IYD: variants seen among roughly 807,000 people sequenced by gnomAD.
IYD encodes iodotyrosine deiodinase 1.
Under a neutral mutation model 28.4 loss-of-function variants are expected in IYD, and 25 were observed. That is an observed-to-expected ratio of 0.88 (90% confidence interval 0.64 to 1.23). IYD has a LOEUF of 1.23. IYD is among the 50% of genes most tolerant of loss of function. The pLI, the probability that IYD is intolerant of heterozygous loss-of-function variation, is 0.00. For synonymous variants in IYD, 140 were observed against 130.8 expected (o/e 1.07, Z -0.48); for missense variants, 352 against 357.9 (o/e 0.98, Z 0.13).
intron 1 of IYD, among the ~76,000 whole-genome samples, chr6:150,380,671 T>C (rs1345373864): frequency 2.0e-5 from 3 of 152,214 alleles, no homozygotes; most frequent in African/African-American, 7.2e-5. Flanking sequence ...CTGAGGTTCA[T>C]GCCCAAGGGA....
intron 4 of IYD, among the ~76,000 whole-genome samples, chr6:150,394,833 T>C (rs1430569536): frequency 6.6e-6 from 1 of 152,176 alleles, no homozygotes; most frequent in Admixed American, 6.5e-5. Flanking sequence ...CTGAGCTCCT[T>C]TTTGTTTTGT....
At chr6:150,395,562 CCCAGGTGCCT>C in intron 4 of IYD, 1 of 1,537,014 alleles carries the variant, frequency 6.5e-7, no homozygotes. Context: ...CACAAGGCTG[CCCAGGTGCCT>C]CTGCAGCAGG....
At position 150,384,666 on chromosome 6, in the gene IYD, T is replaced by C. The variant is rs184667674; in HGVS notation, c.179-4686T>C. 68 of 152,338 alleles carry C rather than the reference T, an allele frequency of 4.5e-4. 1 individual carries two copies. The highest frequency in any genetic ancestry group is 1.6e-3 in the African/African-American group (66 of 41,588). The allele number at this position is 152,338 out of a possible 1,614,324, so 9.4% of individuals were successfully genotyped here. ...TTGAAATCTTTGTAGTTCAGAAGTA[T>C]GTCTTTTCATGAGCTTAAGTGAAAT... is the stretch of plus-strand genomic sequence containing the variant. On this transcript the variant is annotated intron_variant, in intron 1 of 4. Coordinates refer to ENST00000344419, the MANE Select transcript of IYD (RefSeq NM_203395.3).
At chr6:150,369,367 T>C (rs568961574) in intron 1 of IYD, among the ~76,000 whole-genome samples, 158 bp downstream of exon 1, 1 of 151,856 alleles carries the variant, frequency 6.6e-6, no homozygotes, top group East Asian at 1.9e-4. Flanking sequence ...CACAGACAGG[T>C]CATCTCTCTC....
At chr6:150,390,511 C>T (rs1449622573) in intron 2 of IYD, among the ~76,000 whole-genome samples, 1 of 152,094 alleles carries the variant, frequency 6.6e-6, no homozygotes, top group Admixed American at 6.5e-5. Context: ...AAATTTGGGC[C>T]TCATGTTTAG....
intron 1 of IYD, among the ~76,000 whole-genome samples, chr6:150,388,651 CTT>C (rs1197936141): frequency 1.8e-5 from 1 of 54,914 alleles, no homozygotes; most frequent in African/African-American, 4.1e-5. Flanking sequence ...TTCTTTCTTT[CTT>C]TCTTTCTTTC....
chr6:150,385,853 T>C (rs775822380), intron 1 of IYD, among the ~76,000 whole-genome samples: 1 of 151,950 alleles, frequency 6.6e-6, no homozygotes, highest in Non-Finnish European at 1.5e-5. Flanking sequence ...AAGTTAGTTT[T>C]AGCAGGTTAT....
At chr6:150,386,958 A>G (rs1562316564) in intron 1 of IYD, among the ~76,000 whole-genome samples, 1 of 152,186 alleles carries the variant, frequency 6.6e-6, no homozygotes, top group Non-Finnish European at 1.5e-5. Flanking sequence ...TATTCTTGCC[A>G]TGGTTAAAAA....
intron 2 of IYD, 90 bp from the exon 3 acceptor site, chr6:150,392,255 G>A: frequency 6.2e-7 from 1 of 1,601,462 alleles, no homozygotes; most frequent in Non-Finnish European, 8.5e-7. Context: ...CTCCCAAAGT[G>A]CTTGGACTAC....
At chr6:150,391,434 A>G (rs903435185) in intron 2 of IYD, among the ~76,000 whole-genome samples, 7 of 152,200 alleles carry the variant, frequency 4.6e-5, no homozygotes, top group African/African-American at 1.7e-4. Context: ...TTTCAAGATT[A>G]CTAAAACAAA....
rs1219473066 is a variant in IYD at position 150,400,392 on chromosome 6, T to A, written c.*2155T>A. On this transcript the variant is annotated 3_prime_UTR_variant, in exon 5 of 5. Transcript: ENST00000344419. ...ACATCTGGCCATCACCTTAACCAAG[T>A]GACAAAGTCCTAGCACACCATTAAT... 1 of 152,212 alleles carries A rather than the reference T, an allele frequency of 6.6e-6. No individual in the cohort carries two copies. Among genetic ancestry groups the A allele is most frequent in the Non-Finnish European group, 1.5e-5 (1 of 68,052 alleles). The allele number at this position is 152,212 out of a possible 1,614,324, so 9.4% of individuals were successfully genotyped here. A position where few individuals can be genotyped will look rare whatever the true frequency, so the allele number is the denominator to read the frequency against.
At chr6:150,380,940 G>T (rs923979867) in intron 1 of IYD, among the ~76,000 whole-genome samples, 55 of 152,110 alleles carry the variant, frequency 3.6e-4, no homozygotes, top group Admixed American at 3.6e-3. Flanking sequence ...TCATGCCTAT[G>T]CTCTGAAAAA....
intron 2 of IYD, 39 bp downstream of exon 2, chr6:150,389,582 A>T (rs751551735): frequency 3.3e-6 from 5 of 1,537,288 alleles, no homozygotes; most frequent in Non-Finnish European, 4.5e-6. Context: ...AATGTTAGTC[A>T]CCTTACTGGT....
rs1778403264 is a variant in IYD at position 150,398,307 on chromosome 6, C to G, written c.*70C>G. 6.9e-7 allele frequency: 1 copy of G among 1,455,538 alleles called. No individual in the cohort carries two copies. Among genetic ancestry groups the G allele is most frequent in the Non-Finnish European group, 9.6e-7 (1 of 1,040,532 alleles). 90.2% of individuals were successfully genotyped at this position (1,455,538 alleles called of 1,614,324 possible). A position where few individuals can be genotyped will look rare whatever the true frequency, so the allele number is the denominator to read the frequency against. Reference sequence around the variant, plus strand: ...TTCCCTGAGCCTCTCGCCTGCTCCTCTTGGGTCTCTTGGCTGCTCTTTCTC... The same window carrying G: ...TTCCCTGAGCCTCTCGCCTGCTCCTGTTGGGTCTCTTGGCTGCTCTTTCTC... On this transcript the variant is annotated 3_prime_UTR_variant, in exon 5 of 5. Transcript: ENST00000344419.
At chr6:150,375,626 G>T (rs1777418876) in intron 1 of IYD, among the ~76,000 whole-genome samples, 1 of 102,660 alleles carries the variant, frequency 9.7e-6, no homozygotes, top group Non-Finnish European at 2.3e-5. Context: ...GCAGCCTGAT[G>T]AATGCTTGAT....
intron 4 of IYD, among the ~76,000 whole-genome samples, chr6:150,397,089 G>C (rs1467061123): frequency 2.0e-5 from 3 of 152,048 alleles, no homozygotes; most frequent in Non-Finnish European, 4.4e-5. Flanking sequence ...TTGTATAAGA[G>C]ACCTTCAGCA....
chr6:150,391,227 C>T lies in IYD; in HGVS notation c.371-1118C>T, dbSNP rs372456217. 8.3e-3 allele frequency among the ~76,000 whole-genome samples: 957 copies of T among 115,564 alleles called. 8 individuals are homozygous for T. The highest frequency in any genetic ancestry group is 0.031 in the African/African-American group (750 of 24,526). 75.8% of individuals were successfully genotyped at this position (115,564 alleles called of 152,430 possible). A position where few individuals can be genotyped will look rare whatever the true frequency, so the allele number is the denominator to read the frequency against. ...ACTCCAGCCTGGTGACAGAGTGAGA[C>T]GCCATCAAAAAAAAAAAAAAAAAAA... On this transcript the variant is annotated intron_variant, in intron 2 of 4. Coordinates refer to ENST00000344419, the MANE Select transcript of IYD (RefSeq NM_203395.3).
intron 1 of IYD, among the ~76,000 whole-genome samples, chr6:150,379,135 A>G (rs1035742415): frequency 2.0e-5 from 3 of 152,314 alleles, no homozygotes; most frequent in Non-Finnish European, 1.5e-5. Context: ...CTCCTGGCTC[A>G]GTGGATGGTT....
chr6:150,380,343 A>C (rs1201882004), intron 1 of IYD, among the ~76,000 whole-genome samples: 1 of 152,130 alleles, frequency 6.6e-6, no homozygotes, highest in Non-Finnish European at 1.5e-5. Context: ...CCACAACAAC[A>C]ACCACTGCAA....
Sources: allele counts gnomAD v4.1 joint callset (sites outside exome capture counted in the v4.1 genomes callset), GRCh38; gene constraint gnomAD v4.1.1; transcripts MANE v1.5; gene names NCBI Gene and HGNC (gene_info 2026-07-23, HGNC 2026-07-21).